PHACTR3: variants seen among roughly 807,000 people sequenced by gnomAD.
PHACTR3 encodes the protein protein phosphatase 1, regulatory subunit 123.
A neutral mutation model predicts 66.8 loss-of-function variants in PHACTR3; 16 were observed. The observed-to-expected ratio is 0.24, with a 90% CI of 0.16 to 0.36. PHACTR3 has a LOEUF of 0.36. PHACTR3 is among the 10% of genes least tolerant of loss of function. The pLI is 1.00. For missense variants in PHACTR3, 647 were observed against 719.9 expected, an observed-to-expected ratio of 0.90 and a Z score of 1.16; for synonymous variants, 323 against 292.1, an observed-to-expected ratio of 1.11 and a Z score of -1.08.
chr20:59,624,370 C>T (rs896085354), intron 1 of PHACTR3, among the ~76,000 whole-genome samples: 3 of 152,130 alleles, frequency 2.0e-5, no homozygotes, highest in Non-Finnish European at 2.9e-5. Context: ...GTATATGAGA[C>T]TCGCCGGGGG....
At chr20:59,788,963 A>G (rs146554070) in intron 7 of PHACTR3, among the ~76,000 whole-genome samples, 190 of 152,350 alleles carry the variant, frequency 1.2e-3, no homozygotes, top group African/African-American at 4.4e-3. Flanking sequence ...CATCTATAAC[A>G]GTGTCACTGT....
In PHACTR3 at chr20:59,777,063, C is replaced by T. The variant is rs111842168; in HGVS notation, c.1174+2573C>T. On this transcript the variant is annotated intron_variant, in intron 7 of 12. Transcript: ENST00000371015. ...AGTGTGGGTAGGGTCGTGCTCCCTG[C>T]GAGTGCTCCAAGGAGGAGCCATTCT... 7.1e-3 allele frequency among the ~76,000 whole-genome samples: 1,083 copies of T among 152,274 alleles called. 12 individuals are homozygous for T. Among genetic ancestry groups the T allele is most frequent in the African/African-American group, 0.024 (1,018 of 41,560 alleles).
chr20:59,845,260 G>C lies in PHACTR3; in HGVS notation c.1659G>C (p.Leu553Phe). 1 of 1,602,114 alleles carries C rather than the reference G, an allele frequency of 6.2e-7. No individual in the cohort carries two copies. Among genetic ancestry groups the C allele is most frequent in the Non-Finnish European group, 8.5e-7 (1 of 1,170,436 alleles). Residue 553 changes from leucine to phenylalanine, a missense_variant, in exon 12 of 13, where the codon TTG (leucine) becomes TTC (phenylalanine). Transcript: ENST00000371015. ...AGGTACATGCATCAAGCAAGCACTT[G>C]ACAAGGTCAGATTTGTTTCTGTGAA... The part of the protein sequence containing the change: ...EMEVHASSKH[L>F]TRFHRP
chr20:59,772,669 G>A (rs569616856), intron 5 of PHACTR3, among the ~76,000 whole-genome samples: 18 of 152,300 alleles, frequency 1.2e-4, no homozygotes, highest in African/African-American at 3.4e-4. Context: ...CTAGGGAGCC[G>A]AGTGGGGCCA....
intron 7 of PHACTR3, among the ~76,000 whole-genome samples, chr20:59,789,044 A>G (rs1703867444): frequency 6.6e-6 from 1 of 152,222 alleles, no homozygotes; most frequent in African/African-American, 2.4e-5. Context: ...TCCCACTAAA[A>G]TCAAACGAGA....
At chr20:59,794,400 G>C (rs1268947246) in intron 7 of PHACTR3, among the ~76,000 whole-genome samples, 1 of 152,074 alleles carries the variant, frequency 6.6e-6, no homozygotes, top group East Asian at 1.9e-4. Context: ...AATTCCACCT[G>C]ATCATGTTGA....
chr20:59,605,929 T>C (rs2146334437), intron 1 of PHACTR3, among the ~76,000 whole-genome samples: 1 of 151,512 alleles, frequency 6.6e-6, no homozygotes, highest in East Asian at 2.0e-4. Context: ...TTAAAACCTC[T>C]CTCCACCAGA....
chr20:59,672,250 G>T (rs1304009314), intron 1 of PHACTR3, among the ~76,000 whole-genome samples: 1 of 152,234 alleles, frequency 6.6e-6, no homozygotes, highest in Non-Finnish European at 1.5e-5. Context: ...GTATTGCTGA[G>T]GCTGCGCATC....
At chr20:59,635,101 C>CTTTCTTTCTTTCTTTCTT (rs1458059575) in intron 1 of PHACTR3, among the ~76,000 whole-genome samples, 1 of 92,904 alleles carries the variant, frequency 1.1e-5, no homozygotes, top group African/African-American at 4.4e-5. Flanking sequence ...TTCTTTCTCT[C>CTTTCTTTCTTTCTTTCTT]TCTTTCTTTC....
At chr20:59,654,706 T>C (rs1244335577) in intron 1 of PHACTR3, among the ~76,000 whole-genome samples, 3 of 152,102 alleles carry the variant, frequency 2.0e-5, no homozygotes, top group African/African-American at 7.2e-5. Flanking sequence ...TATGGAAAAG[T>C]CACATCACTC....
intron 1 of PHACTR3, among the ~76,000 whole-genome samples, chr20:59,653,505 G>A (rs1403527656): frequency 2.0e-5 from 3 of 152,150 alleles, no homozygotes; most frequent in Non-Finnish European, 2.9e-5. Context: ...ATTTCTTTAA[G>A]TAACACTAAA....
chr20:59,836,597 A>C, intron 9 of PHACTR3, 37 bp downstream of exon 9: 2 of 1,596,308 alleles, frequency 1.3e-6, no homozygotes, highest in Non-Finnish European at 8.5e-7. Context: ...GTTTTCCTTC[A>C]CGTGTGGTGA....
intron 7 of PHACTR3, among the ~76,000 whole-genome samples, chr20:59,792,301 A>G (rs1464286675): frequency 6.6e-6 from 1 of 152,236 alleles, no homozygotes; most frequent in Non-Finnish European, 1.5e-5. Flanking sequence ...TTGTGTGGAC[A>G]TATGCTTTCA....
intron 1 of PHACTR3, among the ~76,000 whole-genome samples, chr20:59,620,169 T>C (rs566983530): frequency 6.6e-6 from 1 of 152,370 alleles, no homozygotes; most frequent in East Asian, 1.9e-4. Flanking sequence ...TAATTTCCTT[T>C]AGAGCATTTT....
intron 1 of PHACTR3, among the ~76,000 whole-genome samples, chr20:59,635,170 CT>C (rs869302927): frequency 2.1e-4 from 2 of 9,504 alleles, no homozygotes; most frequent in Non-Finnish European, 3.8e-4. Flanking sequence ...TCTTTCTTTC[CT>C]TTCTTTCTTT....
At chr20:59,792,864 G>A (rs2041143636) in intron 7 of PHACTR3, among the ~76,000 whole-genome samples, 1 of 152,026 alleles carries the variant, frequency 6.6e-6, no homozygotes, top group African/African-American at 2.4e-5. Flanking sequence ...GGTTACTATA[G>A]CTTTGTAGTA....
intron 7 of PHACTR3, among the ~76,000 whole-genome samples, chr20:59,795,191 T>A (rs2041216902): frequency 6.6e-6 from 1 of 152,130 alleles, no homozygotes; most frequent in Non-Finnish European, 1.5e-5. Flanking sequence ...TGTTTTTACT[T>A]TTGTTTGTCT....
At chr20:59,652,370 C>T (rs922607120) in intron 1 of PHACTR3, among the ~76,000 whole-genome samples, 1 of 152,016 alleles carries the variant, frequency 6.6e-6, no homozygotes, top group African/African-American at 2.4e-5. Context: ...ATAACAAGAC[C>T]CCATCTCTGA....
At chr20:59,765,508 G>A (rs1470367276) in intron 4 of PHACTR3, among the ~76,000 whole-genome samples, 6 of 152,102 alleles carry the variant, frequency 3.9e-5, no homozygotes, top group African/African-American at 9.7e-5. Flanking sequence ...TGTTCTCCAG[G>A]CATTAGGAGG....
Sources: allele counts gnomAD v4.1 joint callset (sites outside exome capture counted in the v4.1 genomes callset), GRCh38; gene constraint gnomAD v4.1.1; transcripts MANE v1.5; gene names NCBI Gene and HGNC (gene_info 2026-07-23, HGNC 2026-07-21).